SOD2: variants seen among roughly 807,000 people sequenced by gnomAD.
SOD2 encodes superoxide dismutase [Mn], mitochondrial.
SOD2 carries 11 observed loss-of-function variants against 27.0 expected under a neutral mutation model. The ratio of observed to expected loss-of-function variants is 0.41; its 90% CI spans 0.26 to 0.67. SOD2 has a LOEUF of 0.67. Ranked by LOEUF, SOD2 falls within the 30% of genes least tolerant of loss-of-function variation. The probability of loss-of-function intolerance (pLI) is 0.34; values close to 1 mark genes in which losing one functional copy is unlikely to be tolerated. For synonymous variants in SOD2, 105 were observed against 103.0 expected (o/e 1.02, Z -0.12); for missense variants, 250 against 274.5 (o/e 0.91, Z 0.63).
In SOD2 at chr6:159,675,625, G is replaced by C. The variant is rs541188841; in HGVS notation, c.*6868C>G. The C allele has an allele frequency of 1.3e-5, 2 of 152,250 alleles. No homozygotes were observed. Among genetic ancestry groups the C allele is most frequent in the African/African-American group, 4.8e-5 (2 of 41,548 alleles). 9.4% of individuals were successfully genotyped at this position (152,250 alleles called of 1,614,324 possible). ...AGATGGATTAAAGACTTAAATGTTA[G>C]ACCTAAAACCATAAAAACCCTAGAA... On this transcript the variant is annotated 3_prime_UTR_variant, in exon 5 of 5. Coordinates refer to ENST00000538183, the MANE Select transcript of SOD2 (RefSeq NM_000636.4).
In SOD2 at chr6:159,716,772, A is replaced by G. The variant is rs73802631; in HGVS notation, c.-116+10357T>C. Reference sequence around the variant, plus strand: ...GATGCTAAATGTCCTAAAATGCACAAGATACTTTTCACACACACACAAATT... The same window carrying G: ...GATGCTAAATGTCCTAAAATGCACAGGATACTTTTCACACACACACAAATT... On this transcript the variant is annotated intron_variant, in intron 1 of 2. Transcript: ENST00000401980. Among the ~76,000 whole-genome samples the G allele has an allele frequency of 2.0e-5, 3 of 152,182 alleles. No individual in the cohort carries two copies. The South Asian group carries it at 6.2e-4, about 32-fold the overall frequency.
Position 159,708,202 on chromosome 6 carries a change from C to T in SOD2, c.-115-15339G>A, listed in dbSNP as rs185663945. On this transcript the variant is annotated intron_variant, in intron 1 of 2. Coordinates refer to the SOD2 transcript ENST00000401980. ...AAATTGGAAGCATTCCCTTTGAAAA[C>T]TGGCACAAGACAGGGATGCCCTCTC... 1.6e-4 allele frequency among the ~76,000 whole-genome samples: 24 copies of T among 152,338 alleles called. No homozygotes were observed. In the East Asian group the frequency reaches 4.4e-3, roughly 28 times the overall value.
intron 1 of SOD2, among the ~76,000 whole-genome samples, chr6:159,706,345 C>T (rs901896783): frequency 2.0e-4 from 30 of 152,040 alleles, no homozygotes; most frequent in Non-Finnish European, 8.8e-5. Flanking sequence ...GAGTCAAGAC[C>T]CATCAGTCTG....
At chr6:159,762,088 A>G (rs1421591468) in exon 1 of SOD2, 5 of 1,613,116 alleles carry the variant, frequency 3.1e-6, no homozygotes, top group Non-Finnish European at 4.2e-6. Context: ...GAGAAGCAAG[A>G]TGAATGCAGG....
chr6:159,758,190 C>T (rs562768760), intron 1 of SOD2, among the ~76,000 whole-genome samples: 14 of 151,304 alleles, frequency 9.3e-5, no homozygotes, highest in South Asian at 2.1e-4. Flanking sequence ...CCTCGAGGCT[C>T]GATATTTTGT....
chr6:159,705,374 A>G (rs1045542280), intron 1 of SOD2, among the ~76,000 whole-genome samples: 6 of 152,216 alleles, frequency 3.9e-5, no homozygotes, highest in Non-Finnish European at 8.8e-5. Flanking sequence ...AAACCATGAA[A>G]AAAGATTAGA....
At chr6:159,713,708 TA>T in intron 1 of SOD2, 1 of 901,070 alleles carries the variant, frequency 1.1e-6, no homozygotes, top group South Asian at 1.3e-5. Context: ...TGTGCTTCGA[TA>T]CCCAATCCAT....
At chr6:159,727,447 G>T, upstream of SOD2, 1 of 1,093,434 alleles carries the variant, frequency 9.1e-7, no homozygotes, top group South Asian at 2.0e-5. Context: ...GCTGTGGGGC[G>T]GGGCAGGGCG....
chr6:159,719,111 T>C (rs76631015), intron 1 of SOD2, among the ~76,000 whole-genome samples: 1,804 of 151,892 alleles, frequency 0.012, 42 homozygotes, highest in African/African-American at 0.042. Flanking sequence ...AATGTGGAGG[T>C]AGGTGGTGAG....
Position 159,685,219 on chromosome 6 carries a change from C to CTTTTTTT in SOD2, c.344-193_344-187dup, listed in dbSNP as rs750824041. Among the ~76,000 whole-genome samples, 73 of 73,872 alleles carry CTTTTTTT rather than the reference C, an allele frequency of 9.9e-4. 2 individuals carry two copies. The highest frequency in any genetic ancestry group is 1.2e-3 in the African/African-American group (23 of 18,536). 48.5% of individuals were successfully genotyped at this position (73,872 alleles called of 152,430 possible). On this transcript the variant is annotated intron_variant, in intron 3 of 4. Transcript: ENST00000538183. ...ACGTTTTTGTTTTTTATAACTTCAA[C>CTTTTTTT]TTTTTTTTTTTTTTTTTTTTTTTTT...
intron 1 of SOD2, among the ~76,000 whole-genome samples, chr6:159,700,186 A>C (rs1437200064): frequency 3.9e-5 from 6 of 152,238 alleles, no homozygotes; most frequent in Non-Finnish European, 7.3e-5. Context: ...CATATTTAAG[A>C]GTGGGACAAT....
chr6:159,685,051 C>T lies in SOD2; in HGVS notation c.344-18G>A. On this transcript the variant is annotated intron_variant, in intron 3 of 4. Transcript: ENST00000538183. ...CAACTCCCCTATTAAAAAAAAAATCCAAAACCACCCACAAATGAACAGATT... is the reference window on the plus strand; with the variant it reads ...CAACTCCCCTATTAAAAAAAAAATCTAAAACCACCCACAAATGAACAGATT... 1 of 1,561,118 alleles carries T rather than the reference C, an allele frequency of 6.4e-7. No homozygotes were observed. The highest frequency in any genetic ancestry group is 8.7e-7 in the Non-Finnish European group (1 of 1,153,662).
intron 1 of SOD2, among the ~76,000 whole-genome samples, chr6:159,719,161 A>G (rs145838969): frequency 6.2e-4 from 94 of 152,272 alleles, no homozygotes; most frequent in Non-Finnish European, 9.9e-4. Context: ...TAGGGCCTTC[A>G]TGAATGAGAT....
chr6:159,720,847 C>CTTTTTTTTTTTTTTTTTTTT (rs763455003), intron 1 of SOD2, among the ~76,000 whole-genome samples: 2 of 59,946 alleles, frequency 3.3e-5, no homozygotes, highest in Non-Finnish European at 5.9e-5. Context: ...TTTTCTTTAC[C>CTTTTTTTTTTTTTTTTTTTT]TTTTTTTTTT....
At chr6:159,712,479 C>G (rs1413731301) in intron 1 of SOD2, among the ~76,000 whole-genome samples, 2 of 78,070 alleles carry the variant, frequency 2.6e-5, no homozygotes, top group African/African-American at 4.2e-5. Context: ...CCATAACCAC[C>G]ACTCAGCTGC....
Position 159,672,807 on chromosome 6 carries a change from A to G in SOD2, c.*9686T>C, listed in dbSNP as rs1280368393. 6.6e-6 allele frequency: 1 copy of G among 152,154 alleles called. No individual in the cohort carries two copies. Among genetic ancestry groups the G allele is most frequent in the East Asian group, 1.9e-4 (1 of 5,200 alleles). The allele number at this position is 152,154 out of a possible 1,614,324, so 9.4% of individuals were successfully genotyped here. On this transcript the variant is annotated 3_prime_UTR_variant, in exon 5 of 5. Coordinates refer to ENST00000538183, the MANE Select transcript of SOD2 (RefSeq NM_000636.4). Reference sequence around the variant, plus strand: ...AAAGACACAGACTGGCACACTGGATAAAGAGTCAAGACCCATCAGGGTGCT... The same window carrying G: ...AAAGACACAGACTGGCACACTGGATGAAGAGTCAAGACCCATCAGGGTGCT...
rs1484234679 is a variant in SOD2 at position 159,682,713 on chromosome 6, T to C, written c.524-75A>G. 5.4e-5 allele frequency: 78 copies of C among 1,435,668 alleles called. No individual in the cohort carries two copies. In the Admixed American group the frequency reaches 1.8e-3, roughly 34 times the overall value. 88.9% of individuals were successfully genotyped at this position (1,435,668 alleles called of 1,614,324 possible). Reference sequence around the variant, plus strand: ...CATTGCATCTTCTCAATTTCAACTTTTATTATTCTACTCACACAAAATTAC... The same window carrying C: ...CATTGCATCTTCTCAATTTCAACTTCTATTATTCTACTCACACAAAATTAC... On this transcript the variant is annotated intron_variant, in intron 4 of 4. Transcript: ENST00000538183.
chr6:159,732,536 A>G (rs984238454), intron 1 of SOD2, among the ~76,000 whole-genome samples: 1 of 152,236 alleles, frequency 6.6e-6, no homozygotes, highest in Admixed American at 6.5e-5. Flanking sequence ...AAGATTTTTT[A>G]AATTAAAAAT....
At chr6:159,702,553 C>T (rs1231958060) in intron 1 of SOD2, among the ~76,000 whole-genome samples, 2 of 150,202 alleles carry the variant, frequency 1.3e-5, no homozygotes, top group Non-Finnish European at 3.0e-5. Context: ...CCTCCGCGGC[C>T]TCCTGAAGTG....
Sources: allele counts gnomAD v4.1 joint callset (sites outside exome capture counted in the v4.1 genomes callset), GRCh38; gene constraint gnomAD v4.1.1; transcripts MANE v1.5; gene names NCBI Gene and HGNC (gene_info 2026-07-23, HGNC 2026-07-21).